The following OR56A3 variants were observed in gnomAD, a reference collection of about 807,000 sequenced individuals.
The protein encoded by OR56A3 is olfactory receptor 56A3.
In OR56A3, 23 loss-of-function variants were observed where a neutral mutation model predicts 17.5. The ratio of observed to expected loss-of-function variants is 1.32; its 90% CI spans 0.95 to 1.87. OR56A3 has a LOEUF of 1.87. Among genes scored for constraint, OR56A3 ranks in the 40% most tolerant of loss-of-function variants. The probability of loss-of-function intolerance (pLI) is 0.00; values close to 1 mark genes in which losing one functional copy is unlikely to be tolerated. For synonymous variants in OR56A3, 175 were observed against 150.6 expected, an observed-to-expected ratio of 1.16 and a Z score of -1.19; for missense variants, 366 against 380.1, an observed-to-expected ratio of 0.96 and a Z score of 0.31.
At chr11:5,964,343 A>G in the OR56A3 span, among the ~76,000 whole-genome samples, 1 of 152,226 alleles carries the variant, frequency 6.6e-6, no homozygotes, top group Admixed American at 6.5e-5. Flanking sequence ...TAGTTATATC[A>G]GTCATCACAG....
chr11:6,019,135 A>G, the OR56A3 span, among the ~76,000 whole-genome samples: 3 of 152,126 alleles, frequency 2.0e-5, no homozygotes, highest in Non-Finnish European at 2.9e-5. Context: ...AACTACTCCA[A>G]AAAATTAAAG....
chr11:5,969,366 A>T, the OR56A3 span, among the ~76,000 whole-genome samples: 1 of 152,206 alleles, frequency 6.6e-6, no homozygotes, highest in Non-Finnish European at 1.5e-5. Flanking sequence ...CTTCTCTCAG[A>T]TAACCTCTCT....
chr11:5,950,435 A>G lies in OR56A3; in HGVS notation c.*2141A>G, dbSNP rs1847901099. 2 of 152,202 alleles carry G rather than the reference A, an allele frequency of 1.3e-5. No individual in the cohort carries two copies. Among genetic ancestry groups the G allele is most frequent in the South Asian group, 4.1e-4 (2 of 4,836 alleles). The allele number at this position is 152,202 out of a possible 1,614,324, so 9.4% of individuals were successfully genotyped here. A position where few individuals can be genotyped will look rare whatever the true frequency, so the allele number is the denominator to read the frequency against. Reference sequence around the variant, plus strand: ...TGCTTCACTTATATGTAATTTTTAGACATTTATAAACAATGTCAAAACAAT... The same window carrying G: ...TGCTTCACTTATATGTAATTTTTAGGCATTTATAAACAATGTCAAAACAAT... On this transcript the variant is annotated 3_prime_UTR_variant, in exon 3 of 3. Coordinates refer to ENST00000641160, the MANE Select transcript of OR56A3 (RefSeq NM_001003443.3).
At chr11:5,967,642 G>A in the OR56A3 span, 1 of 1,614,018 alleles carries the variant, frequency 6.2e-7, no homozygotes, top group African/African-American at 1.3e-5. Flanking sequence ...GGGGGAATAA[G>A]GTGGTGCAGG....
chr11:6,001,624 A>G, the OR56A3 span: 1 of 157,558 alleles, frequency 6.3e-6, no homozygotes, highest in Non-Finnish European at 1.4e-5. Context: ...CATCGCACAC[A>G]AGCCAGGTAG....
At chr11:5,974,394 C>T in the OR56A3 span, among the ~76,000 whole-genome samples, 163 of 152,228 alleles carry the variant, frequency 1.1e-3, 4 homozygotes, top group East Asian at 0.027. Flanking sequence ...CATGAGCCAC[C>T]GCACCTGGCC....
At chr11:5,981,673 C>T in the OR56A3 span, among the ~76,000 whole-genome samples, 1 of 152,240 alleles carries the variant, frequency 6.6e-6, no homozygotes, top group Non-Finnish European at 1.5e-5. Flanking sequence ...TTTCAGCCAT[C>T]TCAGCCTGGT....
chr11:5,971,347 C>A, the OR56A3 span, among the ~76,000 whole-genome samples: 1 of 152,318 alleles, frequency 6.6e-6, no homozygotes, highest in East Asian at 1.9e-4. Flanking sequence ...TGCTCATTTT[C>A]TTTTCCTTAG....
the OR56A3 span, among the ~76,000 whole-genome samples, chr11:5,957,309 T>C: frequency 1.3e-5 from 2 of 152,244 alleles, no homozygotes; most frequent in African/African-American, 4.8e-5. Flanking sequence ...CACATTGTTA[T>C]ACTGTATACA....
At chr11:6,002,294 G>A in the OR56A3 span, 151 of 1,614,036 alleles carry the variant, frequency 9.4e-5, no homozygotes, top group Middle Eastern at 4.9e-4. Flanking sequence ...CAGCACCCTC[G>A]GCCTTGATCC....
chr11:5,995,710 C>A, the OR56A3 span, among the ~76,000 whole-genome samples: 1 of 152,142 alleles, frequency 6.6e-6, no homozygotes, highest in Non-Finnish European at 1.5e-5. Flanking sequence ...ATATACACTA[C>A]CTCACATAAC....
chr11:5,964,531 G>T, the OR56A3 span, among the ~76,000 whole-genome samples: 502 of 152,320 alleles, frequency 3.3e-3, 2 homozygotes, highest in African/African-American at 0.012. Context: ...GGCTTCTGAG[G>T]CTGGTATAGT....
the OR56A3 span, among the ~76,000 whole-genome samples, chr11:6,013,602 AG>A: frequency 3.3e-5 from 5 of 152,192 alleles, no homozygotes; most frequent in Admixed American, 6.5e-5. Context: ...TGTGCAGTCC[AG>A]GAACCTAGGG....
At chr11:5,985,325 G>A in the OR56A3 span, among the ~76,000 whole-genome samples, 1 of 152,036 alleles carries the variant, frequency 6.6e-6, no homozygotes, top group African/African-American at 2.4e-5. Context: ...AAATTTCCTA[G>A]ACACATATAG....
chr11:5,955,648 C>T (rs1435645569), downstream of OR56A3, among the ~76,000 whole-genome samples: 1 of 152,152 alleles, frequency 6.6e-6, no homozygotes, highest in Admixed American at 6.5e-5. Flanking sequence ...CATTCCTTCT[C>T]CCCTGGTTCT....
chr11:5,986,956 C>CTATACACCACATCCTCAACATATTCA, the OR56A3 span: 2 of 1,602,538 alleles, frequency 1.2e-6, no homozygotes, highest in Non-Finnish European at 1.7e-6. Flanking sequence ...GCTACATTAT[C>CTATACACCACATCCTCAACATATTCA]ACATTGTCCA....
At chr11:6,002,920 T>G in the OR56A3 span, 1 of 1,613,928 alleles carries the variant, frequency 6.2e-7, no homozygotes, top group Non-Finnish European at 8.5e-7. Flanking sequence ...TGCTGCCAGC[T>G]CTGGAAGTTG....
downstream of OR56A3, among the ~76,000 whole-genome samples, chr11:5,956,242 T>C (rs1314294398): frequency 6.6e-6 from 1 of 152,286 alleles, no homozygotes; most frequent in African/African-American, 2.4e-5. Context: ...ATTATGATGT[T>C]AGTTCTATTT....
chr11:5,994,749 G>A, the OR56A3 span: 1 of 778,116 alleles, frequency 1.3e-6, no homozygotes, highest in Non-Finnish European at 2.3e-6. Context: ...GCGAAGATCT[G>A]AGCCCTCTGG....
Sources: allele counts gnomAD v4.1 joint callset (sites outside exome capture counted in the v4.1 genomes callset), GRCh38; gene constraint gnomAD v4.1.1; transcripts MANE v1.5; gene names NCBI Gene and HGNC (gene_info 2026-07-23, HGNC 2026-07-21).